METTL15: variants seen among roughly 807,000 people sequenced by gnomAD.
The protein encoded by METTL15 is methyltransferase 15, mitochondrial 12S rRNA N4-cytidine.
Under a neutral mutation model 38.3 loss-of-function variants are expected in METTL15, and 34 were observed. The observed-to-expected ratio is 0.89, with a 90% CI of 0.68 to 1.18. The LOEUF is 1.18. Among genes scored for constraint, METTL15 ranks in the 50% most tolerant of loss-of-function variants. The pLI is 0.00. For synonymous variants in METTL15, 162 were observed against 170.9 expected (o/e 0.95, Z 0.41); for missense variants, 438 against 498.4 (o/e 0.88, Z 1.15).
chr11:28,349,526 C>G (rs1167613737), intron 3 of METTL15, among the ~76,000 whole-genome samples: 2 of 152,164 alleles, frequency 1.3e-5, no homozygotes, highest in Admixed American at 6.5e-5. Flanking sequence ...AAAGAGAAAG[C>G]AAGTATCAGG....
At chr11:28,168,549 G>A (rs963161650) in intron 3 of METTL15, among the ~76,000 whole-genome samples, 2 of 151,174 alleles carry the variant, frequency 1.3e-5, no homozygotes, top group African/African-American at 2.4e-5. Flanking sequence ...CATGTGCCAC[G>A]TTGGTGTGCT....
chr11:28,323,172 T>C (rs1443619361), intron 6 of METTL15, among the ~76,000 whole-genome samples: 1 of 152,158 alleles, frequency 6.6e-6, no homozygotes, highest in Non-Finnish European at 1.5e-5. Context: ...CATATACAAA[T>C]GATAATATTT....
At chr11:28,301,774 A>T (rs1213837637) in intron 6 of METTL15, among the ~76,000 whole-genome samples, 1 of 152,162 alleles carries the variant, frequency 6.6e-6, no homozygotes, top group Non-Finnish European at 1.5e-5. Flanking sequence ...TTTTTTGGAC[A>T]GTATTGTTCT....
At chr11:28,142,046 A>T (rs1849716870) in intron 3 of METTL15, among the ~76,000 whole-genome samples, 1 of 152,332 alleles carries the variant, frequency 6.6e-6, no homozygotes, top group African/African-American at 2.4e-5. Flanking sequence ...TCTCAGTCGT[A>T]TTATTTGCAA....
At chr11:28,525,684 A>G (rs1006223055) in intron 6 of METTL15, among the ~76,000 whole-genome samples, 3 of 152,238 alleles carry the variant, frequency 2.0e-5, no homozygotes, top group Non-Finnish European at 4.4e-5. Flanking sequence ...CCTTAGTTAG[A>G]CATAAAGATT....
Position 28,296,905 on chromosome 11 carries a change from C to T in METTL15, c.752C>T (p.Thr251Ile), listed in dbSNP as rs774073280. 2.6e-5 allele frequency: 42 copies of T among 1,613,420 alleles called. No individual in the cohort carries two copies. The Admixed American group carries it at 6.3e-4, about 24-fold the overall frequency. Residue 251 changes from threonine to isoleucine, a missense_variant, in exon 6 of 7, where the codon ACC becomes ATC. Coordinates refer to ENST00000407364, the MANE Select transcript of METTL15 (RefSeq NM_001113528.2). ...CGCAGCATCTACCCCATCACCAGAA[C>T]CCAGCAGCTTGCCAGCATCGTTGCA... ...QARSIYPITR[T>I]QQLASIVAGA...
intron 4 of METTL15, among the ~76,000 whole-genome samples, chr11:28,220,584 G>C (rs910826731): frequency 1.1e-4 from 17 of 152,126 alleles, no homozygotes; most frequent in Non-Finnish European, 1.8e-4. Context: ...ATTGTTATGT[G>C]TGAATTTGAT....
At chr11:28,457,104 C>G (rs948442887) in intron 6 of METTL15, among the ~76,000 whole-genome samples, 3 of 152,150 alleles carry the variant, frequency 2.0e-5, no homozygotes, top group African/African-American at 7.2e-5. Context: ...GTTACTGCAA[C>G]TATTCTTGGT....
intron 4 of METTL15, among the ~76,000 whole-genome samples, chr11:28,284,560 A>G (rs1664286822): frequency 6.6e-6 from 1 of 152,174 alleles, no homozygotes; most frequent in Non-Finnish European, 1.5e-5. Flanking sequence ...TTGTACTTAC[A>G]TTTAAAAAAA....
In METTL15 at chr11:28,183,879, G is replaced by A. The variant is rs569598333; in HGVS notation, c.271-27183G>A. Among the ~76,000 whole-genome samples the A allele has an allele frequency of 3.9e-5, 6 of 152,000 alleles. No individual in the cohort carries two copies. In the South Asian group the frequency reaches 6.2e-4, roughly 16 times the overall value. ...TCTGGTAGAATTCAGCTGTGAATTC[G>A]TCTGGTTCTGGACTTTTTTGGTTGG... On this transcript the variant is annotated intron_variant, in intron 3 of 6. Coordinates refer to ENST00000407364, the MANE Select transcript of METTL15 (RefSeq NM_001113528.2).
At chr11:28,367,074 A>G (rs1850192930) in intron 5 of METTL15, among the ~76,000 whole-genome samples, 1 of 152,186 alleles carries the variant, frequency 6.6e-6, no homozygotes, top group African/African-American at 2.4e-5. Flanking sequence ...GTCTCAGGAA[A>G]GAGAAGACTG....
chr11:28,472,198 G>A (rs758916141), intron 6 of METTL15, among the ~76,000 whole-genome samples: 20 of 152,116 alleles, frequency 1.3e-4, no homozygotes, highest in Non-Finnish European at 2.4e-4. Flanking sequence ...TAATAGAATT[G>A]TTATAAGTCT....
chr11:28,354,674 G>T (rs994109920), intron 4 of METTL15, among the ~76,000 whole-genome samples: 8 of 152,142 alleles, frequency 5.3e-5, no homozygotes, highest in African/African-American at 1.7e-4. Flanking sequence ...AGCAAGAAAG[G>T]TCAGGGCAGT....
intron 4 of METTL15, among the ~76,000 whole-genome samples, chr11:28,361,777 G>A (rs575563697): frequency 1.1e-4 from 16 of 152,138 alleles, no homozygotes; most frequent in South Asian, 4.2e-4. Flanking sequence ...TTGGGGTCCC[G>A]GAGCCTAGAC....
chr11:28,151,782 C>T (rs1228659832), intron 3 of METTL15, among the ~76,000 whole-genome samples: 1 of 151,968 alleles, frequency 6.6e-6, no homozygotes, highest in Non-Finnish European at 1.5e-5. Flanking sequence ...GCATTACTGT[C>T]CCTCCTTCTG....
intron 6 of METTL15, among the ~76,000 whole-genome samples, chr11:28,450,754 A>T (rs1403419274): frequency 1.3e-5 from 2 of 152,246 alleles, no homozygotes; most frequent in African/African-American, 4.8e-5. Context: ...TTTTTATTAG[A>T]AACTCAATGT....
At chr11:28,158,824 G>A (rs1433000775) in intron 3 of METTL15, among the ~76,000 whole-genome samples, 4 of 152,136 alleles carry the variant, frequency 2.6e-5, no homozygotes, top group Admixed American at 2.6e-4. Flanking sequence ...GTAGAATGGT[G>A]GAATGGCCTT....
intron 6 of METTL15, among the ~76,000 whole-genome samples, chr11:28,469,764 T>C (rs1419181458): frequency 6.6e-6 from 1 of 152,060 alleles, no homozygotes; most frequent in Non-Finnish European, 1.5e-5. Flanking sequence ...TGTGCATTGA[T>C]ACACACAAAA....
At chr11:28,283,834 C>T (rs1047235453) in intron 4 of METTL15, among the ~76,000 whole-genome samples, 2 of 152,012 alleles carry the variant, frequency 1.3e-5, no homozygotes, top group Admixed American at 6.6e-5. Context: ...CTGGAGAACA[C>T]AGGATGTTAC....
Sources: allele counts gnomAD v4.1 joint callset (sites outside exome capture counted in the v4.1 genomes callset), GRCh38; gene constraint gnomAD v4.1.1; transcripts MANE v1.5; gene names NCBI Gene and HGNC (gene_info 2026-07-23, HGNC 2026-07-21).